CELSR1: variants seen among roughly 807,000 people sequenced by gnomAD.
CELSR1 encodes the protein cadherin EGF LAG seven-pass G-type receptor 1, also known as adhesion G protein-coupled receptor C1.
A neutral mutation model predicts 249.1 loss-of-function variants in CELSR1; 110 were observed. The ratio of observed to expected loss-of-function variants is 0.44; its 90% CI spans 0.38 to 0.52. The LOEUF is 0.52. CELSR1 is among the 20% of genes least tolerant of loss of function. The probability of loss-of-function intolerance (pLI) is 0.00; values close to 1 mark genes in which losing one functional copy is unlikely to be tolerated. For missense variants in CELSR1, 4,109 were observed against 4,296.4 expected (o/e 0.96, Z 1.22); for synonymous variants, 2,113 against 1,900.0 (o/e 1.11, Z -2.92).
At position 46,537,420 on chromosome 22, in the gene CELSR1, C is replaced by A. The variant is rs1602257388; in HGVS notation, c.-250G>T. Among the ~76,000 whole-genome samples the A allele has an allele frequency of 6.7e-6, 1 of 148,494 alleles. No homozygotes were observed. The highest frequency in any genetic ancestry group is 1.5e-5 in the Non-Finnish European group (1 of 66,866). On this transcript the variant is annotated 5_prime_UTR_variant, in exon 1 of 35. Coordinates refer to ENST00000674500, the MANE Select transcript of CELSR1 (RefSeq NM_001378328.1). This position sits in a 1 kb window ranked among gnomAD's most constrained non-coding sequence, Gnocchi z 5.8. ...GTTTCAAGATGGCTCCTCCGCGCGT[C>A]CCGGGAGGGCGCCGCGCATCAACCT... is the stretch of plus-strand genomic sequence containing the variant.
chr22:46,535,963 T>C lies in CELSR1; in HGVS notation c.1208A>G (p.Asn403Ser). 1.2e-6 allele frequency: 2 copies of C among 1,610,350 alleles called. No individual in the cohort carries two copies. The highest frequency in any genetic ancestry group is 1.7e-6 in the Non-Finnish European group (2 of 1,179,870). Residue 403 changes from asparagine (N) to serine (S), a missense_variant, in exon 1 of 35, where the codon AAC (asparagine) becomes AGC (serine). By Grantham distance (46) the Asn-to-Ser change is conservative. This residue lies in a region of CELSR1 where 673 missense variants were observed against 636.8 expected (regional missense o/e 1.06). Transcript: ENST00000674500. ...TGTGCTCACCACGCCAGAGCTCTCG[T>C]TGAGCTGGAAGACGTCCCACGCGCC... is the stretch of plus-strand genomic sequence containing the variant. ...LGGAWDVFQLNESSGVVSTRA... is the reference protein window; with the variant it reads ...LGGAWDVFQLSESSGVVSTRA...
intron 2 of CELSR1, among the ~76,000 whole-genome samples, chr22:46,450,633 G>A (rs189662079): frequency 2.0e-5 from 3 of 152,380 alleles, no homozygotes; most frequent in Admixed American, 2.0e-4. Flanking sequence ...AGAGCTTGCA[G>A]GGACGGGTCC....
chr22:46,381,945 G>A lies in CELSR1; in HGVS notation c.6989C>T (p.Pro2330Leu). ...GACGGCGAACTGGCCAGCGTCATCAGGGTGTCGCCTCCGCCTGCTGATCGG... is the reference window on the plus strand; with the variant it reads ...GACGGCGAACTGGCCAGCGTCATCAAGGTGTCGCCTCCGCCTGCTGATCGG... The part of the protein sequence containing the change: ...EAPISRRRRH[P>L]DDAGQFAVAL... The change falls in exon 21 of 35, where the codon CCT becomes CTT. Residue 2330 changes from proline (P) to leucine (L), a missense_variant. Physicochemically the swap from Pro to Leu is moderately conservative, Grantham distance 98. Transcript: ENST00000674500. The surrounding 1 kb of genome is among the most constrained non-coding windows in gnomAD (Gnocchi z 6.0). The A allele has an allele frequency of 2.6e-5, 40 of 1,566,424 alleles. No homozygotes were observed. Among genetic ancestry groups the A allele is most frequent in the Non-Finnish European group, 3.5e-5 (40 of 1,157,668 alleles).
chr22:46,388,147 G>C lies in CELSR1; in HGVS notation c.6555+1143C>G, dbSNP rs1471179561. 2.0e-4 allele frequency among the ~76,000 whole-genome samples: 31 copies of C among 152,112 alleles called. 1 individual carries two copies. Among genetic ancestry groups the C allele is most frequent in the Admixed American group, 2.0e-3 (31 of 15,276 alleles). On this transcript the variant is annotated intron_variant, in intron 18 of 34. Coordinates refer to ENST00000674500, the MANE Select transcript of CELSR1 (RefSeq NM_001378328.1). ...GTGGATCACCTGAGGTCAGGAGTTC[G>C]AGACCAGCCTGGCCAACATGGTGAA...
intron 11 of CELSR1, 24 bp from the exon 12 acceptor site, chr22:46,397,872 G>A: frequency 6.7e-7 from 1 of 1,501,264 alleles, no homozygotes; most frequent in East Asian, 2.4e-5. Context: ...ACGGCACTGG[G>A]GCTACAGGAG....
chr22:46,469,574 G>A (rs2080132692), intron 1 of CELSR1, among the ~76,000 whole-genome samples: 1 of 152,136 alleles, frequency 6.6e-6, no homozygotes, highest in South Asian at 2.1e-4. Flanking sequence ...GGAATGCAAT[G>A]ATGCAATCTC....
In CELSR1 at chr22:46,504,492, G is replaced by A. The variant is rs201650994; in HGVS notation, c.3544+29135C>T. ...TTGCGCCACTGCATCCCAGCCTGGC[G>A]ACATCTGTCTCCAAAAAAAAAAAAA... is the stretch of plus-strand genomic sequence containing the variant. On this transcript the variant is annotated intron_variant, in intron 1 of 34. Transcript: ENST00000674500. 4.1e-5 allele frequency among the ~76,000 whole-genome samples: 5 copies of A among 121,762 alleles called. No individual in the cohort carries two copies. In the East Asian group the frequency reaches 7.3e-4, roughly 18 times the overall value. 79.9% of individuals were successfully genotyped at this position (121,762 alleles called of 152,430 possible).
At chr22:46,532,168 G>A (rs80250723) in intron 1 of CELSR1, among the ~76,000 whole-genome samples, 2,062 of 152,184 alleles carry the variant, frequency 0.014, 52 homozygotes, top group African/African-American at 0.047. Flanking sequence ...CCACTATCTC[G>A]TCCCTCATTA....
rs1341769464 is a variant in CELSR1, at chr22:46,412,453, C to G, written c.4612-694G>C. Among the ~76,000 whole-genome samples the G allele has an allele frequency of 5.3e-5, 8 of 152,144 alleles. No homozygotes were observed. Reference sequence around the variant, plus strand: ...GGTTCGTGCTCCTGGAGTACAGACACCAGGAGGCCACTGCCCGGCCTGCAG... The same window carrying G: ...GGTTCGTGCTCCTGGAGTACAGACAGCAGGAGGCCACTGCCCGGCCTGCAG... On this transcript the variant is annotated intron_variant, in intron 5 of 34. Coordinates refer to ENST00000674500, the MANE Select transcript of CELSR1 (RefSeq NM_001378328.1). This position sits in a 1 kb window ranked among gnomAD's most constrained non-coding sequence, Gnocchi z 4.5.
In CELSR1 at chr22:46,434,828, C is replaced by T. The variant is rs1364068630; in HGVS notation, c.4522+1346G>A. Among the ~76,000 whole-genome samples the T allele has an allele frequency of 9.2e-5, 14 of 152,026 alleles. No individual in the cohort carries two copies. ...CCTGGCCAACACAGTGAAACCCTGTCTCTACTAAAAATACAAAAATTAGCC... is the reference window on the plus strand; with the variant it reads ...CCTGGCCAACACAGTGAAACCCTGTTTCTACTAAAAATACAAAAATTAGCC... On this transcript the variant is annotated intron_variant, in intron 4 of 34. Coordinates refer to ENST00000674500, the MANE Select transcript of CELSR1 (RefSeq NM_001378328.1). The surrounding 1 kb of genome is among the most constrained non-coding windows in gnomAD (Gnocchi z 4.9).
intron 2 of CELSR1, among the ~76,000 whole-genome samples, chr22:46,443,251 G>T (rs572029068): frequency 6.6e-6 from 1 of 152,358 alleles, no homozygotes; most frequent in Non-Finnish European, 1.5e-5. Context: ...TAACCCCGAG[G>T]GCTCACAGGC....
intron 1 of CELSR1, among the ~76,000 whole-genome samples, chr22:46,491,781 C>T (rs2080369891): frequency 6.6e-6 from 1 of 151,204 alleles, no homozygotes; most frequent in African/African-American, 2.4e-5. Flanking sequence ...ATTACAGGCG[C>T]ACACGCCACC....
chr22:46,439,191 G>A lies in CELSR1; in HGVS notation c.4404C>T (p.Leu1468=). Residue 1468 remains leucine (L), a splice_region_variant and synonymous_variant, in exon 3 of 35, where the codon CTC becomes CTT. Coordinates refer to ENST00000674500, the MANE Select transcript of CELSR1 (RefSeq NM_001378328.1). The part of the protein sequence containing the change: ...LRQRFHFTIS[L]TFATQERNGL... ...GGCGCGGCGGGACGCACACTCACGT[G>A]AGGGAGATGGTGAAGTGGAAGCGCT... is the stretch of plus-strand genomic sequence containing the variant. The A allele has an allele frequency of 1.9e-6, 3 of 1,612,692 alleles. No individual in the cohort carries two copies. Among genetic ancestry groups the A allele is most frequent in the South Asian group, 1.1e-5 (1 of 91,008 alleles).
intron 1 of CELSR1, among the ~76,000 whole-genome samples, chr22:46,503,786 T>C (rs1266731266): frequency 2.0e-5 from 3 of 152,184 alleles, no homozygotes; most frequent in Non-Finnish European, 2.9e-5. Flanking sequence ...TCCCAGCACT[T>C]TGGGAGGCTG....
At chr22:46,372,756 C>T in intron 25 of CELSR1, 127 bp downstream of exon 25, 2 of 1,245,420 alleles carry the variant, frequency 1.6e-6, no homozygotes, top group Non-Finnish European at 1.1e-6. Context: ...GGGCCGAGGC[C>T]TCCTCTGCTG....
chr22:46,487,055 CCCA>C (rs2080319904), intron 1 of CELSR1, among the ~76,000 whole-genome samples: 1 of 150,106 alleles, frequency 6.7e-6, no homozygotes, highest in African/African-American at 2.5e-5. Flanking sequence ...CACTCCCACT[CCCA>C]CTCCCACTTC....
intron 1 of CELSR1, among the ~76,000 whole-genome samples, chr22:46,525,611 C>T (rs1368248976): frequency 6.6e-6 from 1 of 152,192 alleles, no homozygotes; most frequent in Non-Finnish European, 1.5e-5. Flanking sequence ...CTGAAGAAAT[C>T]ACACCAAACT....
intron 20 of CELSR1, among the ~76,000 whole-genome samples, chr22:46,383,038 A>G (rs2078996249): frequency 1.3e-5 from 2 of 152,112 alleles, no homozygotes; most frequent in African/African-American, 4.8e-5. Context: ...CAGGGTTGAA[A>G]ATCGGCCTGG....
rs1022302510 is a variant in CELSR1, at chr22:46,408,737, C to G, written c.5226+259G>C. 4.6e-5 allele frequency among the ~76,000 whole-genome samples: 7 copies of G among 152,352 alleles called. No individual in the cohort carries two copies. Among genetic ancestry groups the G allele is most frequent in the Non-Finnish European group, 8.8e-5 (6 of 68,030 alleles). The stretch of plus-strand genomic sequence containing the variant: ...CCCACGCTCCAGCCAAACCCTCAGG[C>G]TAGAGGGAGACCAGAACTGCCGCTG... On this transcript the variant is annotated intron_variant, in intron 9 of 34. Coordinates refer to ENST00000674500, the MANE Select transcript of CELSR1 (RefSeq NM_001378328.1). The surrounding 1 kb of genome is among the most constrained non-coding windows in gnomAD (Gnocchi z 4.6).
Sources: allele counts gnomAD v4.1 joint callset (sites outside exome capture counted in the v4.1 genomes callset), GRCh38; gene constraint gnomAD v4.1.1; regional missense constraint gnomAD v4.1.1; non-coding constraint Gnocchi (gnomAD v3.1); transcripts MANE v1.5; gene names NCBI Gene and HGNC (gene_info 2026-07-23, HGNC 2026-07-21).